The following FHIT variants were observed in gnomAD, a reference collection of about 807,000 sequenced individuals.
FHIT encodes bis(5'-adenosyl)-triphosphatase.
Under a neutral mutation model 17.9 loss-of-function variants are expected in FHIT, and 19 were observed. The observed-to-expected ratio is 1.06, with a 90% CI of 0.74 to 1.56. The LOEUF is 1.56. Among genes scored for constraint, FHIT ranks in the 40% most tolerant of loss-of-function variants. The pLI, the probability that FHIT is intolerant of heterozygous loss-of-function variation, is 0.00. For missense variants in FHIT, 248 were observed against 189.2 expected, an observed-to-expected ratio of 1.31 and a Z score of -1.82; for synonymous variants, 81 against 69.7, an observed-to-expected ratio of 1.16 and a Z score of -0.81.
intron 5 of FHIT, among the ~76,000 whole-genome samples, chr3:60,515,489 T>C (rs1300448184): frequency 6.6e-6 from 1 of 151,282 alleles, no homozygotes; most frequent in Non-Finnish European, 1.5e-5. Context: ...CAAAGAGAAC[T>C]AACCACACAA....
intron 1 of FHIT, among the ~76,000 whole-genome samples, chr3:61,239,785 A>ATATATATATATATATATATATT (rs372419833): frequency 6.8e-6 from 1 of 146,114 alleles, no homozygotes; most frequent in Non-Finnish European, 1.5e-5. Context: ...ATATATATAT[A>ATATATATATATATATATATATT]CACAAATTCT....
At position 59,985,534 on chromosome 3, in the gene FHIT, GA is replaced by G. The variant is rs1318612389; in HGVS notation, c.279+25836del. ...CTTGAACATCTATGTACATAATTTA[GA>G]ATTTGCTAAAAGGTAATTTTATCTG... is the stretch of plus-strand genomic sequence containing the variant. On this transcript the variant is annotated intron_variant, in intron 7 of 9. Transcript: ENST00000492590. Among the ~76,000 whole-genome samples, 7 of 152,200 alleles carry G rather than the reference GA, an allele frequency of 4.6e-5. No individual in the cohort carries two copies. The South Asian group carries it at 6.2e-4, about 14-fold the overall frequency.
At chr3:61,150,959 T>A (rs1397430036) in intron 2 of FHIT, among the ~76,000 whole-genome samples, 1 of 152,240 alleles carries the variant, frequency 6.6e-6, no homozygotes, top group Non-Finnish European at 1.5e-5. Flanking sequence ...ATTTTTTTTA[T>A]ATTTCATTTT....
At chr3:61,195,742 G>C (rs1372495014) in intron 2 of FHIT, among the ~76,000 whole-genome samples, 3 of 152,138 alleles carry the variant, frequency 2.0e-5, no homozygotes, top group Admixed American at 2.0e-4. Context: ...TCTTCTCCCA[G>C]TTCTAACACT....
intron 5 of FHIT, among the ~76,000 whole-genome samples, chr3:60,426,856 T>G (rs557242448): frequency 6.6e-6 from 1 of 152,264 alleles, no homozygotes; most frequent in African/African-American, 2.4e-5. Flanking sequence ...GTCAGCAGAC[T>G]TCTGAGATGT....
chr3:60,176,318 C>T (rs1204477230), intron 5 of FHIT, among the ~76,000 whole-genome samples: 3 of 152,178 alleles, frequency 2.0e-5, no homozygotes, highest in Admixed American at 6.5e-5. Context: ...TACCACTGCA[C>T]TCCAGCCTGG....
chr3:61,154,428 A>AT (rs147795585), intron 2 of FHIT, among the ~76,000 whole-genome samples: 18,336 of 152,112 alleles, frequency 0.12, 1,192 homozygotes, highest in Non-Finnish European at 0.15. Flanking sequence ...CAATTTTAAA[A>AT]ATATATAAAG....
intron 8 of FHIT, among the ~76,000 whole-genome samples, chr3:59,851,689 C>T (rs1701943856): frequency 6.6e-6 from 1 of 152,152 alleles, no homozygotes; most frequent in Admixed American, 6.6e-5. Context: ...GAGGGTCTTG[C>T]CCAAAACTAC....
At chr3:59,865,656 T>G (rs1328873957) in intron 8 of FHIT, among the ~76,000 whole-genome samples, 1 of 105,412 alleles carries the variant, frequency 9.5e-6, no homozygotes, top group Non-Finnish European at 1.9e-5. Context: ...CTTTTACCCT[T>G]TGCAATCTAC....
chr3:60,014,177 A>AT, intron 5 of FHIT, 25 bp from the exon 6 acceptor site: 1 of 1,612,604 alleles, frequency 6.2e-7, no homozygotes. Flanking sequence ...GTTAAGGCCC[A>AT]TGCTGCTGGC....
intron 5 of FHIT, among the ~76,000 whole-genome samples, chr3:60,412,174 A>G (rs1277807244): frequency 1.3e-5 from 2 of 152,144 alleles, no homozygotes; most frequent in African/African-American, 4.8e-5. Context: ...TAGGAGTTTC[A>G]GTCTAGCGTG....
intron 5 of FHIT, among the ~76,000 whole-genome samples, chr3:60,373,294 C>T (rs1325807636): frequency 6.6e-6 from 1 of 152,076 alleles, no homozygotes; most frequent in East Asian, 1.9e-4. Context: ...GAAGGATGAC[C>T]TGAGAAAGTG....
chr3:60,197,163 T>C (rs1273428077), intron 5 of FHIT, among the ~76,000 whole-genome samples: 1 of 152,230 alleles, frequency 6.6e-6, no homozygotes, highest in Non-Finnish European at 1.5e-5. Flanking sequence ...ATGTCAGTCA[T>C]GATTTCATAA....
chr3:60,331,370 A>G (rs138678718), intron 5 of FHIT, among the ~76,000 whole-genome samples: 1 of 152,188 alleles, frequency 6.6e-6, no homozygotes, highest in East Asian at 1.9e-4. Context: ...TCTATACATT[A>G]TAACTGCCCT....
intron 5 of FHIT, among the ~76,000 whole-genome samples, chr3:60,446,678 C>T (rs959258655): frequency 6.6e-6 from 1 of 151,876 alleles, no homozygotes; most frequent in Admixed American, 6.6e-5. Flanking sequence ...ATAGCAAGAC[C>T]CTGTCTCCAC....
At chr3:60,386,088 T>C (rs1350582056) in intron 5 of FHIT, among the ~76,000 whole-genome samples, 2 of 152,168 alleles carry the variant, frequency 1.3e-5, no homozygotes, top group African/African-American at 4.8e-5. Flanking sequence ...AGTAAGTAAC[T>C]TGGCCAGAGC....
intron 4 of FHIT, among the ~76,000 whole-genome samples, chr3:60,587,652 A>G (rs2037950181): frequency 6.6e-6 from 1 of 152,038 alleles, no homozygotes; most frequent in Admixed American, 6.6e-5. Flanking sequence ...GGCCCTTAGA[A>G]GCCACGCAGT....
At chr3:59,828,845 C>CTG (rs1246352377) in intron 8 of FHIT, among the ~76,000 whole-genome samples, 18 of 150,182 alleles carry the variant, frequency 1.2e-4, no homozygotes, top group African/African-American at 4.2e-4. Flanking sequence ...ATGGTACTCT[C>CTG]TCTGTGTGTG....
chr3:60,132,458 T>C (rs549877799), intron 5 of FHIT, among the ~76,000 whole-genome samples: 1 of 152,302 alleles, frequency 6.6e-6, no homozygotes, highest in Admixed American at 6.5e-5. Context: ...GGAAAAATTA[T>C]AAGGCTAGCA....
Sources: gnomAD v4.1 joint callset for allele counts (sites outside exome capture counted in the v4.1 genomes callset) on GRCh38, gnomAD v4.1.1 for gene constraint, MANE v1.5 for transcripts, NCBI Gene and HGNC (gene_info 2026-07-23, HGNC 2026-07-21) for gene names.